AKR1E2: variants seen among roughly 807,000 people sequenced by gnomAD.
The protein encoded by AKR1E2 is 1,5-anhydro-D-fructose reductase.
Under a neutral mutation model 41.9 loss-of-function variants are expected in AKR1E2, and 43 were observed. The ratio of observed to expected loss-of-function variants is 1.03; its 90% confidence interval spans 0.80 to 1.32. The LOEUF is 1.32. Ranked by LOEUF, AKR1E2 falls within the 40% of genes most tolerant of loss-of-function variation. The probability of loss-of-function intolerance (pLI) is 0.00; values close to 1 mark genes in which losing one functional copy is unlikely to be tolerated. For missense variants in AKR1E2, 423 were observed against 396.5 expected (o/e 1.07, Z -0.57); for synonymous variants, 121 against 138.9 (o/e 0.87, Z 0.91).
At chr10:4,836,223 T>C (rs1033632460) in intron 4 of AKR1E2, among the ~76,000 whole-genome samples, 2 of 152,130 alleles carry the variant, frequency 1.3e-5, no homozygotes, top group African/African-American at 2.4e-5. Context: ...CATTTCAGAA[T>C]GATAAAGTTG....
intron 8 of AKR1E2, among the ~76,000 whole-genome samples, chr10:4,844,501 C>A (rs1265019882): frequency 6.6e-6 from 1 of 152,174 alleles, no homozygotes; most frequent in Non-Finnish European, 1.5e-5. Flanking sequence ...TATCTGGCCC[C>A]ACCCACATCC....
At chr10:4,845,130 T>C (rs76888428) in intron 8 of AKR1E2, among the ~76,000 whole-genome samples, 5,266 of 152,224 alleles carry the variant, frequency 0.035, 146 homozygotes, top group East Asian at 0.11. Context: ...CTGGGGGACC[T>C]AGCACGCCCT....
chr10:4,848,894 C>T (rs945620846), downstream of AKR1E2, among the ~76,000 whole-genome samples: 9 of 152,208 alleles, frequency 5.9e-5, no homozygotes, highest in Admixed American at 3.9e-4. Flanking sequence ...CAGCACCTCC[C>T]GGTTGTGGAG....
At chr10:4,849,603 G>A (rs1172718832), downstream of AKR1E2, among the ~76,000 whole-genome samples, 1 of 152,206 alleles carries the variant, frequency 6.6e-6, no homozygotes, top group African/African-American at 2.4e-5. Context: ...GTTACCAGAG[G>A]CTGGGGAGGG....
chr10:4,829,115 T>G (rs942420356), intron 1 of AKR1E2, among the ~76,000 whole-genome samples: 1 of 152,212 alleles, frequency 6.6e-6, no homozygotes, highest in African/African-American at 2.4e-5. Flanking sequence ...GTACCTGATT[T>G]TAAAGGATGT....
chr10:4,849,374 G>C (rs984734794), downstream of AKR1E2, among the ~76,000 whole-genome samples: 1 of 152,192 alleles, frequency 6.6e-6, no homozygotes, highest in Non-Finnish European at 1.5e-5. Flanking sequence ...CTTTGTCACT[G>C]TCTACCTAGA....
At chr10:4,856,056 A>C in the AKR1E2 span, among the ~76,000 whole-genome samples, 1 of 152,226 alleles carries the variant, frequency 6.6e-6, no homozygotes, top group Non-Finnish European at 1.5e-5. Flanking sequence ...GTTTTTCACC[A>C]AAAGTAAAAG....
chr10:4,847,860 G>A lies in AKR1E2; in HGVS notation c.*330G>A, dbSNP rs911396238. 1 of 291,144 alleles carries A rather than the reference G, an allele frequency of 3.4e-6. No homozygotes were observed. The highest frequency in any genetic ancestry group is 6.4e-6 in the Non-Finnish European group (1 of 157,320). The allele number at this position is 291,144 out of a possible 1,614,324, so 18.0% of individuals were successfully genotyped here. On this transcript the variant is annotated 3_prime_UTR_variant, in exon 10 of 10. Coordinates refer to ENST00000298375, the MANE Select transcript of AKR1E2 (RefSeq NM_001040177.3). ...CCATCTACAGAGCTGAGGAAACAGT[G>A]TAATGTGTCTCTGCCCCATTGCGCA...
chr10:4,830,777 G>C lies in AKR1E2; in HGVS notation c.142G>C (p.Ala48Pro), dbSNP rs138166332. The C allele has an allele frequency of 1.2e-6, 2 of 1,614,048 alleles. No homozygotes were observed. Among genetic ancestry groups the C allele is most frequent in the Non-Finnish European group, 1.7e-6 (2 of 1,180,034 alleles). The change falls in exon 2 of 10, where the codon GCA becomes CCA. Residue 48 changes from alanine (A) to proline (P), a missense_variant. Coordinates refer to ENST00000298375, the MANE Select transcript of AKR1E2 (RefSeq NM_001040177.3). Reference protein sequence around the residue: ...YFYHNEREVGAGIRCKIKEGA... With the variant: ...YFYHNEREVGPGIRCKIKEGA... The stretch of plus-strand genomic sequence containing the variant: ...TTACCACAATGAGAGGGAGGTTGGA[G>C]CAGGGATCCGTTGCAAGATCAAGGA...
At chr10:4,866,392 CAG>C in the AKR1E2 span, among the ~76,000 whole-genome samples, 1 of 152,152 alleles carries the variant, frequency 6.6e-6, no homozygotes, top group Non-Finnish European at 1.5e-5. Flanking sequence ...AAAAATAATT[CAG>C]AGTCTGCCCT....
Position 4,842,977 on chromosome 10 carries a change from T to C in AKR1E2, c.837+473T>C, listed in dbSNP as rs571626734. On this transcript the variant is annotated intron_variant, in intron 8 of 9. Coordinates refer to ENST00000298375, the MANE Select transcript of AKR1E2 (RefSeq NM_001040177.3). ...GTGGGAAGATTCTGGTCCTGACTCC[T>C]GTCTAGTGACTTCTGAGAGGCAGGA... Among the ~76,000 whole-genome samples, 7 of 152,320 alleles carry C rather than the reference T, an allele frequency of 4.6e-5. No individual in the cohort carries two copies. The East Asian group carries it at 1.2e-3, about 25-fold the overall frequency.
At chr10:4,844,244 T>A (rs1254829512) in intron 8 of AKR1E2, among the ~76,000 whole-genome samples, 1 of 152,138 alleles carries the variant, frequency 6.6e-6, no homozygotes, top group East Asian at 1.9e-4. Context: ...GCGGTGAGTG[T>A]TACAGCTCTT....
chr10:4,839,347 A>G (rs1203724441), intron 5 of AKR1E2, among the ~76,000 whole-genome samples: 1 of 152,250 alleles, frequency 6.6e-6, no homozygotes, highest in Admixed American at 6.5e-5. Context: ...TGACACAGAA[A>G]GACAGTGAGC....
chr10:4,852,424 G>A (rs1834545243), downstream of AKR1E2, among the ~76,000 whole-genome samples: 1 of 152,168 alleles, frequency 6.6e-6, no homozygotes, highest in South Asian at 2.1e-4. Context: ...CTGAACAAAT[G>A]CTGGGCAACA....
At chr10:4,867,222 C>T in the AKR1E2 span, among the ~76,000 whole-genome samples, 1 of 152,182 alleles carries the variant, frequency 6.6e-6, no homozygotes, top group African/African-American at 2.4e-5. Flanking sequence ...TTCACTGTCT[C>T]AGTCATAATT....
the AKR1E2 span, among the ~76,000 whole-genome samples, chr10:4,859,472 A>G: frequency 6.6e-6 from 1 of 152,248 alleles, no homozygotes; most frequent in Non-Finnish European, 1.5e-5. Flanking sequence ...ACAGTCAGAA[A>G]TGCAAACAAA....
At chr10:4,844,492 A>T (rs1031341355) in intron 8 of AKR1E2, among the ~76,000 whole-genome samples, 1 of 152,136 alleles carries the variant, frequency 6.6e-6, no homozygotes, top group Non-Finnish European at 1.5e-5. Flanking sequence ...TTATTCTCTT[A>T]TCTGGCCCCA....
chr10:4,852,463 TA>T (rs1834545809), downstream of AKR1E2, among the ~76,000 whole-genome samples: 1 of 152,164 alleles, frequency 6.6e-6, no homozygotes, highest in Admixed American at 6.5e-5. Flanking sequence ...TTAATTCTTG[TA>T]AAATAATAAG....
chr10:4,837,721 G>A, intron 5 of AKR1E2, 140 bp downstream of exon 5: 1 of 1,346,860 alleles, frequency 7.4e-7, no homozygotes, highest in Non-Finnish European at 9.9e-7. Context: ...TCAGAATGGT[G>A]ATTAAAGGCA....
Sources: gnomAD v4.1 joint callset for allele counts (sites outside exome capture counted in the v4.1 genomes callset) on GRCh38, gnomAD v4.1.1 for gene constraint, MANE v1.5 for transcripts, NCBI Gene and HGNC (gene_info 2026-07-23, HGNC 2026-07-21) for gene names.